The following LAMA3 variants were observed in gnomAD, a reference collection of about 807,000 sequenced individuals.
The protein encoded by LAMA3 is laminin subunit alpha 3, also known as laminin subunit alpha-3.
LAMA3 carries 281 observed loss-of-function variants against 402.0 expected under a neutral mutation model. The ratio of observed to expected loss-of-function variants is 0.70; its 90% CI spans 0.63 to 0.77. The LOEUF is 0.77. LAMA3 is among the 30% of genes least tolerant of loss of function. LAMA3 has a pLI of 0.00. For missense variants in LAMA3, 3,840 were observed against 4,215.5 expected (o/e 0.91, Z 2.47); for synonymous variants, 1,431 against 1,558.4 (o/e 0.92, Z 1.93).
In LAMA3 at chr18:23,839,747, C is replaced by A. The variant is rs545817034; in HGVS notation, c.3192-38C>A. The stretch of plus-strand genomic sequence containing the variant: ...ATGGTCAGTTCTGTAGCTTTGGGTT[C>A]TTTTAAAAATCAGATTTTTAAATAT... On this transcript the variant is annotated intron_variant, in intron 26 of 74. Transcript: ENST00000313654. The surrounding 1 kb of genome is among the most constrained non-coding windows in gnomAD (Gnocchi z 4.5). 5.0e-5 allele frequency: 81 copies of A among 1,611,966 alleles called. No homozygotes were observed. The highest frequency in any genetic ancestry group is 6.4e-5 in the Non-Finnish European group (75 of 1,178,084).
In LAMA3 at chr18:23,842,323, A is replaced by G. The variant is rs542024893; in HGVS notation, c.3337-72A>G. The G allele has an allele frequency of 2.3e-4, 358 of 1,576,730 alleles. 2 individuals are homozygous for G. The highest frequency in any genetic ancestry group is 2.5e-5 in the Non-Finnish European group (29 of 1,147,192). On this transcript the variant is annotated intron_variant, in intron 27 of 74. Coordinates refer to ENST00000313654, the MANE Select transcript of LAMA3 (RefSeq NM_198129.4). ...TTGTTTTTTAACCTTTGAATACTCT[A>G]TGATTCCAGTTATTCATAGCTCTTC...
At chr18:23,703,603 G>C (rs1568093381) in intron 1 of LAMA3, among the ~76,000 whole-genome samples, 2 of 151,930 alleles carry the variant, frequency 1.3e-5, no homozygotes, top group African/African-American at 4.8e-5. Flanking sequence ...TAACAAACCT[G>C]CATGTTGTGC....
chr18:23,945,600 G>C (rs1456375062), intron 69 of LAMA3, among the ~76,000 whole-genome samples: 1 of 152,194 alleles, frequency 6.6e-6, no homozygotes, highest in East Asian at 1.9e-4. Flanking sequence ...CATATAAATG[G>C]AAGTGTCCGT....
intron 41 of LAMA3, among the ~76,000 whole-genome samples, chr18:23,889,050 T>C (rs1476724340): frequency 3.3e-5 from 5 of 152,072 alleles, no homozygotes; most frequent in African/African-American, 1.2e-4. Flanking sequence ...GGGCCAAAGG[T>C]AGCAGCTGTA....
chr18:23,944,114 G>C, intron 69 of LAMA3, 143 bp downstream of exon 69: 1 of 796,838 alleles, frequency 1.3e-6, no homozygotes, highest in Non-Finnish European at 2.1e-6. Context: ...TGCGTTCCCA[G>C]CATCTCAGTA....
At chr18:23,894,239 A>C (rs1466314895) in intron 42 of LAMA3, 59 bp from the exon 43 acceptor site, 1 of 1,336,820 alleles carries the variant, frequency 7.5e-7, no homozygotes, top group African/African-American at 1.4e-5. Flanking sequence ...ACCAAGTTAA[A>C]GAGCAGATGA....
At chr18:23,932,449 C>A in intron 66 of LAMA3, 158 bp downstream of exon 66, 1 of 768,110 alleles carries the variant, frequency 1.3e-6, no homozygotes, top group Non-Finnish European at 2.1e-6. Context: ...AAGATACACC[C>A]ATTAAAAAAC....
rs2081708028 is a variant in LAMA3 at position 23,918,266 on chromosome 18, A to G, written c.7923+1571A>G. Among the ~76,000 whole-genome samples, 1 of 152,180 alleles carries G rather than the reference A, an allele frequency of 6.6e-6. No individual in the cohort carries two copies. Among genetic ancestry groups the G allele is most frequent in the African/African-American group, 2.4e-5 (1 of 41,444 alleles). On this transcript the variant is annotated intron_variant, in intron 60 of 74. Coordinates refer to ENST00000313654, the MANE Select transcript of LAMA3 (RefSeq NM_198129.4). The surrounding 1 kb of genome is among the most constrained non-coding windows in gnomAD (Gnocchi z 4.1). ...TTGATGTCTATTTTAATGAGGGCAA[A>G]TAATCAGGAATTTGAGAACATGCCC...
intron 67 of LAMA3, 115 bp from the exon 68 acceptor site, chr18:23,939,108 T>C: frequency 1.8e-6 from 2 of 1,109,992 alleles, no homozygotes; most frequent in South Asian, 1.3e-5. Context: ...AGGCCTTCTA[T>C]TGCCCTACTG....
rs749553866 is a variant in LAMA3, at chr18:23,898,818, G to A, written c.5694G>A (p.Leu1898=). 7.4e-6 allele frequency: 12 copies of A among 1,611,374 alleles called. No homozygotes were observed. Among genetic ancestry groups the A allele is most frequent in the South Asian group, 2.2e-5 (2 of 91,020 alleles). ...IEGLERELTD[L]NQEFETLQEK... ...GCCTGGAAAGAGAACTGACTGATTT[G>A]AATCAAGAATTTGAGACTTTGCAAG... is the stretch of plus-strand genomic sequence containing the variant. Residue 1898 remains leucine, a synonymous_variant, in exon 45 of 75, where the codon TTG becomes TTA. Coordinates refer to ENST00000313654, the MANE Select transcript of LAMA3 (RefSeq NM_198129.4).
At chr18:23,837,568 C>CAGAT (rs2063608980) in intron 25 of LAMA3, among the ~76,000 whole-genome samples, 1 of 21,326 alleles carries the variant, frequency 4.7e-5, no homozygotes, top group African/African-American at 2.8e-4. Context: ...TTCAGTTAAT[C>CAGAT]AGATATATAT....
At chr18:23,936,306 G>A (rs1450495729) in intron 67 of LAMA3, among the ~76,000 whole-genome samples, 1 of 151,364 alleles carries the variant, frequency 6.6e-6, no homozygotes, top group East Asian at 1.9e-4. Context: ...TGTTACATAT[G>A]TATACATGTG....
intron 36 of LAMA3, among the ~76,000 whole-genome samples, chr18:23,867,601 A>AT (rs1244880814): frequency 2.6e-5 from 4 of 151,032 alleles, no homozygotes; most frequent in South Asian, 2.1e-4. Flanking sequence ...TTTTTAAGCT[A>AT]TTTTTGTCCA....
At chr18:23,697,571 C>T (rs1247090960) in intron 1 of LAMA3, among the ~76,000 whole-genome samples, 1 of 152,146 alleles carries the variant, frequency 6.6e-6, no homozygotes, top group East Asian at 1.9e-4. Context: ...ATCCCAAATG[C>T]TCCCAAATCC....
chr18:23,750,861 T>C, intron 4 of LAMA3, 57 bp from the exon 5 acceptor site: 1 of 1,589,470 alleles, frequency 6.3e-7, no homozygotes, highest in Non-Finnish European at 8.6e-7. Flanking sequence ...ACTTACTTGC[T>C]GCTAAATTTT....
intron 27 of LAMA3, 133 bp from the exon 28 acceptor site, chr18:23,842,262 G>T (rs2144594787): frequency 1.8e-6 from 2 of 1,090,964 alleles, no homozygotes; most frequent in South Asian, 2.6e-5. Flanking sequence ...GGTGAAGATG[G>T]GTTGTCATTT....
rs180932531 is a variant in LAMA3, at chr18:23,874,867, T to C, written c.4999-1427T>C. Among the ~76,000 whole-genome samples the C allele has an allele frequency of 1.4e-3, 209 of 152,330 alleles. No homozygotes were observed. The Middle Eastern group carries it at 0.017, about 12-fold the overall frequency. ...ATAAATTAGGGACAATATCTGATTT[T>C]GTTTATTTATTATTAGACAGGGTTT... is the stretch of plus-strand genomic sequence containing the variant. On this transcript the variant is annotated intron_variant, in intron 38 of 74. Transcript: ENST00000313654.
At chr18:23,772,581 A>G (rs2062225001) in intron 8 of LAMA3, among the ~76,000 whole-genome samples, 2 of 152,380 alleles carry the variant, frequency 1.3e-5, no homozygotes, top group South Asian at 4.1e-4. Context: ...CTCAACATTA[A>G]AGTGAATTCA....
At chr18:23,945,356 G>A (rs1051251089) in intron 69 of LAMA3, among the ~76,000 whole-genome samples, 2 of 152,138 alleles carry the variant, frequency 1.3e-5, no homozygotes, top group African/African-American at 2.4e-5. Context: ...CATATAGAGG[G>A]TGAGAGGAAG....
Sources: gnomAD v4.1 joint callset for allele counts (sites outside exome capture counted in the v4.1 genomes callset) on GRCh38, gnomAD v4.1.1 for gene constraint, Gnocchi (gnomAD v3.1) non-coding constraint, MANE v1.5 for transcripts, NCBI Gene and HGNC (gene_info 2026-07-23, HGNC 2026-07-21) for gene names.